Variants in BRWD1 observed in about 807,000 individuals in gnomAD.
The protein encoded by BRWD1 is bromodomain and WD repeat domain containing 1.
A neutral mutation model predicts 251.2 loss-of-function variants in BRWD1; 82 were observed. The ratio of observed to expected loss-of-function variants is 0.33; its 90% CI spans 0.27 to 0.39. The LOEUF is 0.39. Ranked by LOEUF, BRWD1 falls within the 10% of genes least tolerant of loss-of-function variation. BRWD1 has a pLI of 1.00. For synonymous variants in BRWD1, 918 were observed against 902.8 expected (o/e 1.02, Z -0.30); for missense variants, 2,233 against 2,711.6 (o/e 0.82, Z 3.92).
At chr21:39,229,861 G>A (rs1285342859) in intron 25 of BRWD1, among the ~76,000 whole-genome samples, 1 of 152,070 alleles carries the variant, frequency 6.6e-6, no homozygotes, top group African/African-American at 2.4e-5. Context: ...AGCTTCCCGA[G>A]TACCTGGGAC....
In BRWD1 at chr21:39,189,745, G is replaced by A. The variant is rs1179380360; in HGVS notation, c.*6514C>T. 2.0e-6 allele frequency: 2 copies of A among 980,578 alleles called. No homozygotes were observed. Among genetic ancestry groups the A allele is most frequent in the Non-Finnish European group, 2.4e-6 (2 of 825,692 alleles). 60.7% of individuals were successfully genotyped at this position (980,578 alleles called of 1,614,324 possible). On this transcript the variant is annotated 3_prime_UTR_variant, in exon 41 of 41. Transcript: ENST00000342449. ...CTGAAAACTGAGTAAATTATAAAGT[G>A]CTTTTTCTCAAGAAAACTACAAACA...
rs1377915803 is a variant in BRWD1 at position 39,285,890 on chromosome 21, AAAAG to A, written c.832-5646_832-5643del. 1.2e-3 allele frequency among the ~76,000 whole-genome samples: 185 copies of A among 151,294 alleles called. 1 individual carries two copies. The highest frequency in any genetic ancestry group is 4.2e-3 in the African/African-American group (173 of 41,248). On this transcript the variant is annotated intron_variant, in intron 8 of 40. Transcript: ENST00000342449. ...AGTCAACAAAAAAAAAAAAAAAAAA[AAAAG>A]AATGTATTCGTCAAAGGTAGTTAGC...
chr21:39,279,156 A>G (rs548864389), intron 9 of BRWD1, among the ~76,000 whole-genome samples: 2 of 152,220 alleles, frequency 1.3e-5, no homozygotes, highest in Admixed American at 1.3e-4. Flanking sequence ...CAAAATATCA[A>G]CATGTAATCC....
At chr21:39,236,544 A>T in intron 23 of BRWD1, 51 bp downstream of exon 23, 1 of 1,402,696 alleles carries the variant, frequency 7.1e-7, no homozygotes, top group East Asian at 2.4e-5. Flanking sequence ...GAAATGGGGT[A>T]AAGCTGGGGT....
Position 39,209,980 on chromosome 21 carries a change from C to T in BRWD1, c.4197+15G>A, listed in dbSNP as rs1307041683. 1 of 1,601,964 alleles carries T rather than the reference C, an allele frequency of 6.2e-7. No homozygotes were observed. Among genetic ancestry groups the T allele is most frequent in the Admixed American group, 1.7e-5 (1 of 57,956 alleles). On this transcript the variant is annotated intron_variant, in intron 36 of 40. Coordinates refer to ENST00000342449, the MANE Select transcript of BRWD1 (RefSeq NM_033656.4). ...GATCAGGCAGTTTTTTTCAATAAAC[C>T]ACATAAAAAATTACCTTTGATCTTT...
chr21:39,257,412 A>C (rs1305367812), intron 18 of BRWD1, among the ~76,000 whole-genome samples: 1 of 152,196 alleles, frequency 6.6e-6, no homozygotes, highest in African/African-American at 2.4e-5. Context: ...TAATTAGACA[A>C]ATCTAAATTG....
chr21:39,315,644 A>G (rs2036687773), upstream of BRWD1: 1 of 152,200 alleles, frequency 6.6e-6, no homozygotes, highest in East Asian at 1.9e-4. Flanking sequence ...CAAAAAAAAA[A>G]AGCTATTTGT....
intron 19 of BRWD1, among the ~76,000 whole-genome samples, chr21:39,254,158 C>T (rs1051708321): frequency 1.3e-5 from 2 of 152,044 alleles, no homozygotes; most frequent in South Asian, 2.1e-4. Context: ...CCCAGCTACT[C>T]GGGAGGCTGA....
chr21:39,312,133 A>G (rs78142101), intron 4 of BRWD1, among the ~76,000 whole-genome samples: 2,317 of 152,330 alleles, frequency 0.015, 58 homozygotes, highest in African/African-American at 0.053. Context: ...GTTATATAGA[A>G]ACATTAACCA....
chr21:39,302,848 C>G (rs984528244), intron 4 of BRWD1, among the ~76,000 whole-genome samples: 1 of 150,716 alleles, frequency 6.6e-6, no homozygotes, highest in Admixed American at 6.6e-5. Context: ...TCACTTGAGG[C>G]CAAGAGTTCA....
At chr21:39,203,723 ACAAAAG>A (rs2032239718) in intron 37 of BRWD1, among the ~76,000 whole-genome samples, 1 of 150,986 alleles carries the variant, frequency 6.6e-6, no homozygotes, top group African/African-American at 2.4e-5. Context: ...GCTTCTTAAA[ACAAAAG>A]CAAAACAGCC....
At chr21:39,263,316 G>A (rs916868678) in intron 17 of BRWD1, among the ~76,000 whole-genome samples, 7 of 152,088 alleles carry the variant, frequency 4.6e-5, no homozygotes, top group African/African-American at 1.7e-4. Context: ...TTTAACATCT[G>A]TAGAGAAACA....
Position 39,298,436 on chromosome 21 carries a change from T to G in BRWD1, c.345A>C (p.Ala115=), listed in dbSNP as rs2036016862. The G allele has an allele frequency of 6.3e-7, 1 of 1,582,724 alleles. No homozygotes were observed. The highest frequency in any genetic ancestry group is 2.3e-5 in the East Asian group (1 of 43,596). ...CACTTCTTCAAATTAAGGTACCTTT[T>G]GCTGTACGTAGCAAAGACTGCCTTC... ...GAGRQSLLRT[A]KDCRHTVWKG... Residue 115 remains alanine (A), a synonymous_variant, in exon 5 of 41, where the codon GCA becomes GCC. Transcript: ENST00000342449.
At chr21:39,313,823 C>G (rs989081580), upstream of BRWD1, 1 of 348,834 alleles carries the variant, frequency 2.9e-6, no homozygotes, top group East Asian at 8.4e-5. Flanking sequence ...AAGACCTGGG[C>G]GCCGCAGCAG....
intron 21 of BRWD1, among the ~76,000 whole-genome samples, chr21:39,245,684 C>T (rs926730799): frequency 6.6e-6 from 1 of 151,482 alleles, no homozygotes; most frequent in African/African-American, 2.4e-5. Flanking sequence ...ACTGCAACAT[C>T]CACCTCCCGG....
intron 13 of BRWD1, among the ~76,000 whole-genome samples, chr21:39,273,960 T>C (rs2035199894): frequency 6.6e-6 from 1 of 152,198 alleles, no homozygotes; most frequent in Non-Finnish European, 1.5e-5. Context: ...TAATAAAGTA[T>C]GTTTGCTTAC....
chr21:39,192,070 AC>A lies in BRWD1; in HGVS notation c.*4188del. On this transcript the variant is annotated 3_prime_UTR_variant, in exon 41 of 41. Transcript: ENST00000342449. ...CTAGAAAAGCAATTCTTGAGCAGAC[AC>A]CAATTTAAAGATATTTTTCTACCAA... 1 of 985,136 alleles carries A rather than the reference AC, an allele frequency of 1.0e-6. No homozygotes were observed. Among genetic ancestry groups the A allele is most frequent in the South Asian group, 4.7e-5 (1 of 21,288 alleles). The allele number at this position is 985,136 out of a possible 1,614,324, so 61.0% of individuals were successfully genotyped here.
rs769831540 is a variant in BRWD1 at position 39,187,394 on chromosome 21, G to C, written c.*8865C>G. 1.3e-6 allele frequency: 2 copies of C among 1,575,808 alleles called. No homozygotes were observed. Among genetic ancestry groups the C allele is most frequent in the Admixed American group, 1.9e-5 (1 of 51,732 alleles). On this transcript the variant is annotated 3_prime_UTR_variant, in exon 41 of 41. Coordinates refer to ENST00000342449, the MANE Select transcript of BRWD1 (RefSeq NM_033656.4). ...ATACATGTTCTCACTTTTGTATTGG[G>C]TTCTCTGTCTCTAGGAACAAATTCT...
At chr21:39,269,377 A>C (rs1392759788) in intron 15 of BRWD1, among the ~76,000 whole-genome samples, 1 of 151,882 alleles carries the variant, frequency 6.6e-6, no homozygotes, top group South Asian at 2.1e-4. Context: ...TACATTGCCC[A>C]GGCTGGACTT....
Sources: allele counts gnomAD v4.1 joint callset (sites outside exome capture counted in the v4.1 genomes callset), GRCh38; gene constraint gnomAD v4.1.1; transcripts MANE v1.5; gene names NCBI Gene and HGNC (gene_info 2026-07-23, HGNC 2026-07-21).